Variants in CTSF observed in about 807,000 individuals in gnomAD.
The protein encoded by CTSF is cathepsin F.
A neutral mutation model predicts 63.5 loss-of-function variants in CTSF; 65 were observed. That is an observed-to-expected ratio of 1.02 (90% CI 0.84 to 1.26). The LOEUF (loss-of-function observed/expected upper bound fraction) is 1.26. Among genes scored for constraint, CTSF ranks in the 50% most tolerant of loss-of-function variants. The probability of loss-of-function intolerance (pLI) is 0.00; values close to 1 mark genes in which losing one functional copy is unlikely to be tolerated. For synonymous variants in CTSF, 256 were observed against 258.1 expected, an observed-to-expected ratio of 0.99 and a Z score of 0.08; for missense variants, 641 against 631.0, an observed-to-expected ratio of 1.02 and a Z score of -0.17.
At chr11:66,565,359 GCCC>G (rs1857905932) in intron 8 of CTSF, among the ~76,000 whole-genome samples, 1 of 152,136 alleles carries the variant, frequency 6.6e-6, no homozygotes, top group Admixed American at 6.5e-5. Context: ...TCCTGCCTCA[GCCC>G]CCCAAGTAGC....
rs941653140 is a variant in CTSF, at chr11:66,566,076, G to A, written c.813C>T (p.Ala271=). ...TACTCCTCCAGTCCCATTCAGGTGG[G>A]GCGAGGTCACCCACAGACTTGGCTT... ...MKQAKSVGDL[A]PPEWDWRSKG... The change falls in exon 6 of 13, where the codon GCC becomes GCT. Residue 271 remains alanine, a synonymous_variant. Coordinates refer to ENST00000310325, the MANE Select transcript of CTSF (RefSeq NM_003793.4). The A allele has an allele frequency of 1.9e-6, 3 of 1,614,130 alleles. No individual in the cohort carries two copies. The highest frequency in any genetic ancestry group is 1.6e-4 in the Middle Eastern group (1 of 6,062).
At position 66,565,882 on chromosome 11, in the gene CTSF, C is replaced by G; in HGVS notation, c.913G>C (p.Glu305Gln). Residue 305 changes from glutamate (E) to glutamine (Q), a missense_variant, in exon 7 of 13, where the codon GAG becomes CAG. Glu to Gln is a conservative substitution (Grantham distance 29). Transcript: ENST00000310325. ...CWAFSVTGNV[E>Q]GQWFLNQGTL... ...CCCTGGTTGAGAAACCACTGGCCCTCCACATTGCCTGTGACTGAGAAGGCC... is the reference window on the plus strand; with the variant it reads ...CCCTGGTTGAGAAACCACTGGCCCTGCACATTGCCTGTGACTGAGAAGGCC... 1 of 1,614,056 alleles carries G rather than the reference C, an allele frequency of 6.2e-7. No homozygotes were observed. Among genetic ancestry groups the G allele is most frequent in the Non-Finnish European group, 8.5e-7 (1 of 1,180,022 alleles).
In CTSF at chr11:66,564,790, CA is replaced by C; in HGVS notation, c.1181del (p.Leu394ArgfsTer81). On this transcript the variant is annotated frameshift_variant, in exon 10 of 13. Transcript: ENST00000310325. LOFTEE classifies it high-confidence loss of function. The stretch of plus-strand genomic sequence containing the variant: ...CCACGGAGATTGGGCCTCTCTTGGC[CA>C]GCCAGGCTGCCAGCTCTGAGATGGG... ...SQNEQKLAAW[L>X]AKRGPISVAI... is the part of the protein sequence containing the mutation. 6.2e-7 allele frequency: 1 copy of C among 1,614,060 alleles called. No homozygotes were observed. The highest frequency in any genetic ancestry group is 1.1e-5 in the South Asian group (1 of 91,082).
At position 66,563,552 on chromosome 11, in the gene CTSF, G is replaced by T; in HGVS notation, c.*381C>A. 2 of 446,312 alleles carry T rather than the reference G, an allele frequency of 4.5e-6. No homozygotes were observed. The highest frequency in any genetic ancestry group is 8.0e-6 in the Non-Finnish European group (2 of 249,362). 27.6% of individuals were successfully genotyped at this position (446,312 alleles called of 1,614,324 possible). A position where few individuals can be genotyped will look rare whatever the true frequency, so the allele number is the denominator to read the frequency against. On this transcript the variant is annotated 3_prime_UTR_variant, in exon 13 of 13. Coordinates refer to ENST00000310325, the MANE Select transcript of CTSF (RefSeq NM_003793.4). ...AGAGGGACACTATCCCTAAATCCAA[G>T]GGAACCAGAAAATTTATAGTATCAA... is the stretch of plus-strand genomic sequence containing the variant.
chr11:66,567,642 C>T lies in CTSF; in HGVS notation c.333G>A (p.Leu111=), dbSNP rs1394284561. 3 of 1,613,966 alleles carry T rather than the reference C, an allele frequency of 1.9e-6. No homozygotes were observed. Among genetic ancestry groups the T allele is most frequent in the African/African-American group, 2.7e-5 (2 of 74,934 alleles). The change falls in exon 3 of 13, where the codon CTG becomes CTA. Residue 111 remains leucine (L), a synonymous_variant. Transcript: ENST00000310325. ...GCAGCACGTGTCTTCCGAGCTCATCCAGGACTTGGAAGCTGCAGAGCTGGA... is the reference window on the plus strand; with the variant it reads ...GCAGCACGTGTCTTCCGAGCTCATCTAGGACTTGGAAGCTGCAGAGCTGGA... ...KKTLLCSFQV[L]DELGRHVLLR...
Position 66,563,793 on chromosome 11 carries a change from C to G in CTSF, c.*140G>C. 1 of 1,019,128 alleles carries G rather than the reference C, an allele frequency of 9.8e-7. No individual in the cohort carries two copies. Among genetic ancestry groups the G allele is most frequent in the South Asian group, 1.5e-5 (1 of 66,218 alleles). 63.1% of individuals were successfully genotyped at this position (1,019,128 alleles called of 1,614,324 possible). On this transcript the variant is annotated 3_prime_UTR_variant, in exon 13 of 13. Coordinates refer to ENST00000310325, the MANE Select transcript of CTSF (RefSeq NM_003793.4). ...AGGGAAGCAGGGGCTGTGCCCCAGC[C>G]CAGTGCCCTCTGCTCACCCTGAGGT...
chr11:66,568,421 G>C lies in CTSF; in HGVS notation c.66C>G (p.Ala22=). Residue 22 remains alanine (A), a synonymous_variant, in exon 1 of 13, where the codon GCC becomes GCG. Coordinates refer to ENST00000310325, the MANE Select transcript of CTSF (RefSeq NM_003793.4). ...GLLPGAVAAP[A]QPRAASFQAW... ...CCTGAAAGCTGGCGGCTCGGGGCTG[G>C]GCGGGGGCGGCCACTGCGCCCGGGA... 2.2e-6 allele frequency: 3 copies of C among 1,363,780 alleles called. No individual in the cohort carries two copies. Among genetic ancestry groups the C allele is most frequent in the South Asian group, 1.8e-5 (1 of 55,850 alleles). The allele number at this position is 1,363,780 out of a possible 1,614,324, so 84.5% of individuals were successfully genotyped here.
In CTSF at chr11:66,568,555, GCCAGCGGGGCCTGAGTCCTCCCT is replaced by G; in HGVS notation, c.-92_-70del. 1 of 1,444,602 alleles carries G rather than the reference GCCAGCGGGGCCTGAGTCCTCCCT, an allele frequency of 6.9e-7. No individual in the cohort carries two copies. Among genetic ancestry groups the G allele is most frequent in the Non-Finnish European group, 9.1e-7 (1 of 1,103,798 alleles). The allele number at this position is 1,444,602 out of a possible 1,614,324, so 89.5% of individuals were successfully genotyped here. ...CGACCCACCGGGTACCGAGCCCGCGGCCAGCGGGGCCTGAGTCCTCCCTCCAGCGGGGCGACGGCACGCCGACC... is the reference window on the plus strand; with the variant it reads ...CGACCCACCGGGTACCGAGCCCGCGGCCAGCGGGGCGACGGCACGCCGACC... On this transcript the variant is annotated 5_prime_UTR_variant, in exon 1 of 13. Transcript: ENST00000310325.
chr11:66,568,557 C>A lies in CTSF; in HGVS notation c.-71G>T. On this transcript the variant is annotated 5_prime_UTR_variant, in exon 1 of 13. Coordinates refer to ENST00000310325, the MANE Select transcript of CTSF (RefSeq NM_003793.4). ...ACCCACCGGGTACCGAGCCCGCGGC[C>A]AGCGGGGCCTGAGTCCTCCCTCCAG... The A allele has an allele frequency of 6.9e-7, 1 of 1,445,894 alleles. No homozygotes were observed. The highest frequency in any genetic ancestry group is 9.1e-7 in the Non-Finnish European group (1 of 1,104,838). 89.6% of individuals were successfully genotyped at this position (1,445,894 alleles called of 1,614,324 possible).
chr11:66,565,151 C>G, intron 8 of CTSF, 145 bp from the exon 9 acceptor site: 2 of 1,362,210 alleles, frequency 1.5e-6, no homozygotes, highest in Non-Finnish European at 2.0e-6. Context: ...TGTCTTCATT[C>G]TAGAAATGAC....
chr11:66,565,528 C>G lies in CTSF; in HGVS notation c.1045+143G>C, dbSNP rs1857908764. ...AAGTGTTGGAATTACAGGCATGAGCCACCACGCCTGGCTGGGTCAGCATTA... is the reference window on the plus strand; with the variant it reads ...AAGTGTTGGAATTACAGGCATGAGCGACCACGCCTGGCTGGGTCAGCATTA... On this transcript the variant is annotated intron_variant, in intron 8 of 12. Transcript: ENST00000310325. 3 of 1,176,842 alleles carry G rather than the reference C, an allele frequency of 2.5e-6. No individual in the cohort carries two copies. In the East Asian group the frequency reaches 7.1e-5, roughly 28 times the overall value. 72.9% of individuals were successfully genotyped at this position (1,176,842 alleles called of 1,614,324 possible). A position where few individuals can be genotyped will look rare whatever the true frequency, so the allele number is the denominator to read the frequency against.
intron 4 of CTSF, 87 bp from the exon 5 acceptor site, chr11:66,566,491 C>G (rs539657787): frequency 3.1e-6 from 4 of 1,275,794 alleles, no homozygotes; most frequent in Admixed American, 3.9e-5. Flanking sequence ...GGGGTTTCCC[C>G]GGGGAGCAGG....
chr11:66,563,911 G>C lies in CTSF; in HGVS notation c.*22C>G, dbSNP rs1192367238. The C allele has an allele frequency of 6.2e-7, 1 of 1,611,364 alleles. No homozygotes were observed. The highest frequency in any genetic ancestry group is 1.3e-5 in the African/African-American group (1 of 74,872). The stretch of plus-strand genomic sequence containing the variant: ...CAGCAGCCACTCTGATCAGCACCAG[G>C]TCCCGAGCTGGGGGCCCCTCTTCAG... On this transcript the variant is annotated 3_prime_UTR_variant, in exon 13 of 13. Transcript: ENST00000310325.
chr11:66,568,382 CGGCGGCCCCCAGGCCTGAAAGCT>C lies in CTSF; in HGVS notation c.82_104del (p.Ser28ValfsTer78). On this transcript the variant is annotated frameshift_variant, in exon 1 of 13. Coordinates refer to ENST00000310325, the MANE Select transcript of CTSF (RefSeq NM_003793.4). LOFTEE classifies it high-confidence loss of function. ...GGGTGGGCGCCAGCAGCTCCGGGGA[CGGCGGCCCCCAGGCCTGAAAGCT>C]GGCGGCTCGGGGCTGGGCGGGGGCG... is the stretch of plus-strand genomic sequence containing the variant. The C allele has an allele frequency of 7.7e-7, 1 of 1,306,772 alleles. No homozygotes were observed. The highest frequency in any genetic ancestry group is 1.5e-5 in the African/African-American group (1 of 64,654). 80.9% of individuals were successfully genotyped at this position (1,306,772 alleles called of 1,614,324 possible).
Position 66,564,214 on chromosome 11 carries a change from C to T in CTSF, c.1322-68G>A, listed in dbSNP as rs1023954735. Reference sequence around the variant, plus strand: ...TCCAGGCAGAGCCTTAATCACTTTGCACCCTTCAAATACTTGCACTGGGCC... The same window carrying T: ...TCCAGGCAGAGCCTTAATCACTTTGTACCCTTCAAATACTTGCACTGGGCC... On this transcript the variant is annotated intron_variant, in intron 11 of 12. Coordinates refer to ENST00000310325, the MANE Select transcript of CTSF (RefSeq NM_003793.4). 4 of 1,541,528 alleles carry T rather than the reference C, an allele frequency of 2.6e-6. No individual in the cohort carries two copies. In the African/African-American group the frequency reaches 4.1e-5, roughly 16 times the overall value.
Position 66,563,817 on chromosome 11 carries a change from G to A in CTSF, c.*116C>T. ...CCCAGTGCCCTCTGCTCACCCTGAGGTACCCAGTGCCTTTCCCTCTGCCAG... is the reference window on the plus strand; with the variant it reads ...CCCAGTGCCCTCTGCTCACCCTGAGATACCCAGTGCCTTTCCCTCTGCCAG... On this transcript the variant is annotated 3_prime_UTR_variant, in exon 13 of 13. Coordinates refer to ENST00000310325, the MANE Select transcript of CTSF (RefSeq NM_003793.4). 4 of 1,300,612 alleles carry A rather than the reference G, an allele frequency of 3.1e-6. No individual in the cohort carries two copies. Among genetic ancestry groups the A allele is most frequent in the Admixed American group, 2.0e-5 (1 of 50,330 alleles). 80.6% of individuals were successfully genotyped at this position (1,300,612 alleles called of 1,614,324 possible).
rs1211423406 is a variant in CTSF, at chr11:66,567,968, G to A, written c.312+16C>T. ...TCGGCCTCGGGGCGGGGAACCCCAA[G>A]AGCCTCATCACTCACCAGGGTTTTC... is the stretch of plus-strand genomic sequence containing the variant. On this transcript the variant is annotated intron_variant, in intron 2 of 12. Transcript: ENST00000310325. 2 of 1,581,782 alleles carry A rather than the reference G, an allele frequency of 1.3e-6. No homozygotes were observed. Among genetic ancestry groups the A allele is most frequent in the Admixed American group, 1.9e-5 (1 of 52,222 alleles).
chr11:66,567,886 G>C, intron 2 of CTSF, 98 bp downstream of exon 2: 2 of 1,463,732 alleles, frequency 1.4e-6, no homozygotes, highest in Non-Finnish European at 9.2e-7. Context: ...TGGGGCAGCA[G>C]CTACCTCAGA....
intron 3 of CTSF, 34 bp downstream of exon 3, chr11:66,567,394 CAGCGGCTGGCTCCTCA>C (rs763377999): frequency 1.2e-6 from 2 of 1,612,202 alleles, no homozygotes; most frequent in Non-Finnish European, 1.7e-6. Flanking sequence ...GGTGATGAGG[CAGCGGCTGGCTCCTCA>C]AGCTGAGGGC....
Sources: allele counts gnomAD v4.1 joint callset (sites outside exome capture counted in the v4.1 genomes callset), GRCh38; gene constraint gnomAD v4.1.1; transcripts MANE v1.5; gene names NCBI Gene and HGNC (gene_info 2026-07-23, HGNC 2026-07-21).